The following KPNA3 variants were observed in gnomAD, a reference collection of about 807,000 sequenced individuals.
KPNA3 encodes the protein importin subunit alpha-4.
In KPNA3, 13 loss-of-function variants were observed where a neutral mutation model predicts 73.8. That is an observed-to-expected ratio of 0.18 (90% CI 0.11 to 0.28). The LOEUF (loss-of-function observed/expected upper bound fraction) is 0.28. KPNA3 is among the 10% of genes least tolerant of loss of function. KPNA3 has a pLI of 1.00. For missense variants in KPNA3, 360 were observed against 618.1 expected, an observed-to-expected ratio of 0.58 and a Z score of 4.43; for synonymous variants, 186 against 206.9, an observed-to-expected ratio of 0.90 and a Z score of 0.87.
chr13:49,792,298 G>A, intron 1 of KPNA3, 140 bp downstream of exon 1: 1 of 318,580 alleles, frequency 3.1e-6, no homozygotes, highest in Non-Finnish European at 5.0e-6. Context: ...GCCCAGCCCG[G>A]GGCCGCGGTG....
intron 2 of KPNA3, among the ~76,000 whole-genome samples, chr13:49,734,874 CCTT>C (rs1332945430): frequency 3.3e-5 from 5 of 150,840 alleles, no homozygotes; most frequent in African/African-American, 7.3e-5. Context: ...ATGAATTTCC[CCTT>C]CTAATTTTGC....
intron 1 of KPNA3, among the ~76,000 whole-genome samples, chr13:49,786,990 A>G (rs1027635677): frequency 1.3e-5 from 2 of 152,242 alleles, no homozygotes; most frequent in Non-Finnish European, 2.9e-5. Flanking sequence ...TAACAGGTAC[A>G]AACATGAGGG....
chr13:49,717,085 T>C (rs1021316410), intron 10 of KPNA3, among the ~76,000 whole-genome samples: 2 of 152,060 alleles, frequency 1.3e-5, no homozygotes, highest in African/African-American at 2.4e-5. Flanking sequence ...CCTATTATGA[T>C]AGCAAAATAC....
At chr13:49,746,818 T>C in intron 2 of KPNA3, 131 bp downstream of exon 2, 3 of 648,186 alleles carry the variant, frequency 4.6e-6, no homozygotes, top group South Asian at 3.7e-5. Flanking sequence ...AGTACCATGA[T>C]AAAGTATCCA....
chr13:49,769,192 AC>A (rs1954833997), intron 1 of KPNA3, among the ~76,000 whole-genome samples: 1 of 152,224 alleles, frequency 6.6e-6, no homozygotes, highest in African/African-American at 2.4e-5. Context: ...ATGCCACGTT[AC>A]TTTTACTACA....
intron 10 of KPNA3, among the ~76,000 whole-genome samples, chr13:49,719,430 T>C (rs945231311): frequency 6.6e-6 from 1 of 152,134 alleles, no homozygotes; most frequent in Non-Finnish European, 1.5e-5. Context: ...GGGAATAATA[T>C]CTAGCCTATC....
chr13:49,732,727 G>A lies in KPNA3; in HGVS notation c.234+20C>T, dbSNP rs1320848156. On this transcript the variant is annotated intron_variant, in intron 4 of 16. Coordinates refer to ENST00000261667, the MANE Select transcript of KPNA3 (RefSeq NM_002267.4). ...AATTTCAAAATACTTCAAAACGAGA[G>A]TATTAATTTAGTAACATACCTGCAA... 1.3e-6 allele frequency: 2 copies of A among 1,584,702 alleles called. No individual in the cohort carries two copies. Among genetic ancestry groups the A allele is most frequent in the Middle Eastern group, 1.7e-4 (1 of 5,976 alleles).
chr13:49,715,884 T>C (rs1208469839), intron 10 of KPNA3, among the ~76,000 whole-genome samples: 2 of 152,262 alleles, frequency 1.3e-5, no homozygotes, highest in Non-Finnish European at 2.9e-5. Flanking sequence ...GGAAATGGCC[T>C]AAATGCCTAT....
chr13:49,780,380 T>C (rs1354215409), intron 1 of KPNA3, among the ~76,000 whole-genome samples: 1 of 152,170 alleles, frequency 6.6e-6, no homozygotes, highest in Non-Finnish European at 1.5e-5. Context: ...ACCTCTATTC[T>C]ATAAGGTAAA....
chr13:49,709,474 G>T, intron 12 of KPNA3, 98 bp downstream of exon 12: 4 of 1,003,554 alleles, frequency 4.0e-6, no homozygotes, highest in Non-Finnish European at 5.8e-6. Context: ...CGCTGCAGTG[G>T]CTTTTAAGAA....
intron 11 of KPNA3, among the ~76,000 whole-genome samples, chr13:49,710,680 G>C (rs1954251691): frequency 6.6e-6 from 1 of 152,164 alleles, no homozygotes; most frequent in Non-Finnish European, 1.5e-5. Context: ...TATGTATAAA[G>C]GGTCAAGAAC....
intron 1 of KPNA3, among the ~76,000 whole-genome samples, chr13:49,782,649 T>C (rs1037153159): frequency 1.5e-4 from 23 of 152,000 alleles, no homozygotes; most frequent in African/African-American, 5.6e-4. Flanking sequence ...GAGGCTGAGG[T>C]AGGTGAATCA....
intron 11 of KPNA3, 103 bp downstream of exon 11, chr13:49,710,788 G>T: frequency 9.9e-7 from 1 of 1,005,392 alleles, no homozygotes; most frequent in Non-Finnish European, 1.5e-6. Context: ...GAAGAAATGT[G>T]GAAGATAAGC....
At chr13:49,725,284 T>C (rs1954398951) in intron 7 of KPNA3, 132 bp downstream of exon 7, 1 of 456,540 alleles carries the variant, frequency 2.2e-6, no homozygotes. Flanking sequence ...GAAAAAGATA[T>C]CGGTCATCAA....
chr13:49,725,347 T>C (rs1954399380), intron 7 of KPNA3, 69 bp downstream of exon 7: 3 of 764,580 alleles, frequency 3.9e-6, no homozygotes, highest in Non-Finnish European at 6.1e-6. Context: ...AAAATTTCTT[T>C]ATTACAAAAC....
chr13:49,766,449 T>C (rs9562924), intron 1 of KPNA3, among the ~76,000 whole-genome samples: 13,842 of 152,244 alleles, frequency 0.091, 679 homozygotes, highest in South Asian at 0.12. Context: ...TTATCTGTGA[T>C]ATATTTCTTC....
At chr13:49,768,704 A>G (rs1412086823) in intron 1 of KPNA3, among the ~76,000 whole-genome samples, 1 of 151,560 alleles carries the variant, frequency 6.6e-6, no homozygotes, top group Non-Finnish European at 1.5e-5. Flanking sequence ...ATCTATTCAG[A>G]GTTAATGTTC....
intron 1 of KPNA3, among the ~76,000 whole-genome samples, chr13:49,785,785 A>T (rs1954977616): frequency 6.6e-6 from 1 of 152,144 alleles, no homozygotes; most frequent in East Asian, 1.9e-4. Context: ...GCTATATGGC[A>T]TATAGATTCC....
chr13:49,725,653 T>C, intron 6 of KPNA3, 152 bp from the exon 7 acceptor site: 1 of 508,026 alleles, frequency 2.0e-6, no homozygotes, highest in Non-Finnish European at 3.4e-6. Context: ...CTACTTTTTT[T>C]TTTTTTTTGA....
Sources: gnomAD v4.1 joint callset for allele counts (sites outside exome capture counted in the v4.1 genomes callset) on GRCh38, gnomAD v4.1.1 for gene constraint, MANE v1.5 for transcripts, NCBI Gene and HGNC (gene_info 2026-07-23, HGNC 2026-07-21) for gene names.